The following LDLRAD2 variants were observed in gnomAD, a reference collection of about 807,000 sequenced individuals.
LDLRAD2 encodes low density lipoprotein receptor class A domain containing 2.
In LDLRAD2, 25 loss-of-function variants were observed where a neutral mutation model predicts 24.9. The observed-to-expected ratio is 1.00, with a 90% CI of 0.73 to 1.40. The LOEUF (loss-of-function observed/expected upper bound fraction) is 1.40, where lower values mean the gene tolerates loss of function less well. Among genes scored for constraint, LDLRAD2 ranks in the 40% most tolerant of loss-of-function variants. LDLRAD2 has a pLI of 0.00. For synonymous variants in LDLRAD2, 182 were observed against 166.7 expected (o/e 1.09, Z -0.71); for missense variants, 391 against 366.2 (o/e 1.07, Z -0.55).
At position 21,825,001 on chromosome 1, in the gene LDLRAD2, G is replaced by T; in HGVS notation, c.*2786G>T. 1 of 588,342 alleles carries T rather than the reference G, an allele frequency of 1.7e-6. No individual in the cohort carries two copies. The highest frequency in any genetic ancestry group is 3.1e-6 in the Non-Finnish European group (1 of 325,420). The allele number at this position is 588,342 out of a possible 1,614,324, so 36.4% of individuals were successfully genotyped here. A position where few individuals can be genotyped will look rare whatever the true frequency, so the allele number is the denominator to read the frequency against. On this transcript the variant is annotated 3_prime_UTR_variant, in exon 5 of 5. Transcript: ENST00000344642. Reference sequence around the variant, plus strand: ...TTCACTCACTTCTCACTGAAATTGAGCAGTTCTTTCAATGAGATGTAGGCA... The same window carrying T: ...TTCACTCACTTCTCACTGAAATTGATCAGTTCTTTCAATGAGATGTAGGCA...
chr1:21,821,271 A>G (rs6684152), intron 3 of LDLRAD2, among the ~76,000 whole-genome samples, 179 bp from the exon 4 acceptor site: 54,143 of 152,018 alleles, frequency 0.36, 10,840 homozygotes, highest in African/African-American at 0.55. Context: ...GAGCCAGACC[A>G]TGTGAGTTCA....
intron 3 of LDLRAD2, among the ~76,000 whole-genome samples, chr1:21,818,300 C>T (rs898836913): frequency 2.0e-5 from 3 of 152,246 alleles, no homozygotes; most frequent in Admixed American, 6.5e-5. Flanking sequence ...GCGTGAGCCT[C>T]CGCACCCGGC....
At chr1:21,820,522 CAAA>C (rs11370390) in intron 3 of LDLRAD2, among the ~76,000 whole-genome samples, 2 of 70,174 alleles carry the variant, frequency 2.9e-5, no homozygotes, top group Admixed American at 1.5e-4. Context: ...GACTCCGTCT[CAAA>C]AAAAAAAAAA....
chr1:21,812,363 C>G lies in LDLRAD2; in HGVS notation c.-89C>G. On this transcript the variant is annotated 5_prime_UTR_variant, in exon 1 of 5. Coordinates refer to ENST00000344642, the MANE Select transcript of LDLRAD2 (RefSeq NM_001013693.3). ...GTGTCCCACCAGCCTCCCTGCTGGCCTGACCAGGCCCCATACTCCAGTCTC... is the reference window on the plus strand; with the variant it reads ...GTGTCCCACCAGCCTCCCTGCTGGCGTGACCAGGCCCCATACTCCAGTCTC... The G allele has an allele frequency of 9.8e-7, 1 of 1,025,292 alleles. No individual in the cohort carries two copies. Among genetic ancestry groups the G allele is most frequent in the South Asian group, 1.3e-5 (1 of 74,548 alleles). 63.5% of individuals were successfully genotyped at this position (1,025,292 alleles called of 1,614,324 possible).
chr1:21,824,649 C>T lies in LDLRAD2; in HGVS notation c.*2434C>T, dbSNP rs372343904. ...GAAGAGCGGGTGAGGGGACAGAAGT[C>T]CCAGATTCCCATCCTCCCCATTAGG... On this transcript the variant is annotated 3_prime_UTR_variant, in exon 5 of 5. Coordinates refer to ENST00000344642, the MANE Select transcript of LDLRAD2 (RefSeq NM_001013693.3). The surrounding 1 kb of genome is among the most constrained non-coding windows in gnomAD (Gnocchi z 5.9). 3.0e-5 allele frequency: 49 copies of T among 1,613,436 alleles called. No individual in the cohort carries two copies. Among genetic ancestry groups the T allele is most frequent in the South Asian group, 4.4e-5 (4 of 91,018 alleles).
rs200588985 is a variant in LDLRAD2, at chr1:21,812,861, GA to G, written c.85+326del. On this transcript the variant is annotated intron_variant, in intron 1 of 4. Coordinates refer to ENST00000344642, the MANE Select transcript of LDLRAD2 (RefSeq NM_001013693.3). ...TGCCACTTCTTATGTTTGTACCTTT[GA>G]GATCATTGTTTCAACTCTCTGAATT... Among the ~76,000 whole-genome samples the G allele has an allele frequency of 7.7e-3, 1,171 of 152,332 alleles. 34 individuals are homozygous for G. Among genetic ancestry groups the G allele is most frequent in the Admixed American group, 0.053 (809 of 15,296 alleles).
Position 21,812,505 on chromosome 1 carries a change from A to G in LDLRAD2, c.54A>G (p.Ala18=), listed in dbSNP as rs963421689. The change falls in exon 1 of 5, where the codon GCA becomes GCG. Residue 18 remains alanine, a synonymous_variant. Coordinates refer to ENST00000344642, the MANE Select transcript of LDLRAD2 (RefSeq NM_001013693.3). ...QLPQRLLLLG[A]AALTATALET... The stretch of plus-strand genomic sequence containing the variant: ...CCCAAAGGTTGCTCTTGCTGGGGGC[A>G]GCCGCCCTGACTGCAACTGCTTTGG... 6.2e-7 allele frequency: 1 copy of G among 1,614,194 alleles called. No individual in the cohort carries two copies. Among genetic ancestry groups the G allele is most frequent in the Admixed American group, 1.7e-5 (1 of 60,028 alleles).
Position 21,812,509 on chromosome 1 carries a change from G to C in LDLRAD2, c.58G>C (p.Ala20Pro). ...AAGGTTGCTCTTGCTGGGGGCAGCC[G>C]CCCTGACTGCAACTGCTTTGGAGAC... ...PQRLLLLGAA[A>P]LTATALETAD... is the part of the protein sequence containing the mutation. Residue 20 changes from alanine (A) to proline (P), a missense_variant, in exon 1 of 5, where the codon GCC (alanine) becomes CCC (proline). Ala to Pro is a conservative substitution (Grantham distance 27). Coordinates refer to ENST00000344642, the MANE Select transcript of LDLRAD2 (RefSeq NM_001013693.3). The C allele has an allele frequency of 6.2e-7, 1 of 1,614,090 alleles. No individual in the cohort carries two copies. The highest frequency in any genetic ancestry group is 1.3e-5 in the African/African-American group (1 of 75,068).
intron 3 of LDLRAD2, among the ~76,000 whole-genome samples, chr1:21,818,155 GTGCACACCACCA>G: frequency 3.4e-5 from 1 of 29,196 alleles, no homozygotes; most frequent in Non-Finnish European, 6.3e-5. Flanking sequence ...GGGATTACAG[GTGCACACCACCA>G]CGCTCAGCTA....
chr1:21,814,090 C>T (rs577094483), intron 1 of LDLRAD2, among the ~76,000 whole-genome samples: 1 of 152,172 alleles, frequency 6.6e-6, no homozygotes. Flanking sequence ...AGGCTGGTCT[C>T]GAACTCCTGA....
At position 21,817,412 on chromosome 1, in the gene LDLRAD2, G is replaced by A. The variant is rs554374775; in HGVS notation, c.643+1338G>A. On this transcript the variant is annotated intron_variant, in intron 3 of 4. Coordinates refer to ENST00000344642, the MANE Select transcript of LDLRAD2 (RefSeq NM_001013693.3). ...GGCTGGAGTGCAGTGGCGCCATCTC[G>A]GCTCACTGCAACCTCTGCTTCCTGG... Among the ~76,000 whole-genome samples the A allele has an allele frequency of 2.3e-3, 356 of 151,992 alleles. 1 individual carries two copies. The highest frequency in any genetic ancestry group is 7.7e-3 in the African/African-American group (317 of 41,420).
At chr1:21,813,032 C>T (rs1164751479) in intron 1 of LDLRAD2, among the ~76,000 whole-genome samples, 1 of 152,258 alleles carries the variant, frequency 6.6e-6, no homozygotes, top group Admixed American at 6.5e-5. Flanking sequence ...CGCAGTGGCT[C>T]ACGCCTGTAA....
chr1:21,822,075 T>C (rs886728012), intron 4 of LDLRAD2, 127 bp from the exon 5 acceptor site: 3 of 1,560,792 alleles, frequency 1.9e-6, no homozygotes, highest in Non-Finnish European at 2.6e-6. Context: ...CCTCTGAGAC[T>C]CAGCTGCCCC....
chr1:21,818,251 A>G (rs1256880869), intron 3 of LDLRAD2, among the ~76,000 whole-genome samples: 2 of 150,374 alleles, frequency 1.3e-5, no homozygotes, highest in Non-Finnish European at 3.0e-5. Context: ...ACCTCAAGTG[A>G]TCCACCCGCC....
At position 21,823,689 on chromosome 1, in the gene LDLRAD2, G is replaced by A. The variant is rs777570455; in HGVS notation, c.*1474G>A. The A allele has an allele frequency of 9.3e-6, 15 of 1,613,504 alleles. No individual in the cohort carries two copies. Among genetic ancestry groups the A allele is most frequent in the South Asian group, 2.2e-5 (2 of 91,092 alleles). On this transcript the variant is annotated 3_prime_UTR_variant, in exon 5 of 5. Coordinates refer to ENST00000344642, the MANE Select transcript of LDLRAD2 (RefSeq NM_001013693.3). ...ACCGGCCGCTGACCAGCTCCTCACC[G>A]TCGACTTGGATGGAACCTCTGCGGC...
intron 1 of LDLRAD2, among the ~76,000 whole-genome samples, chr1:21,813,811 C>T (rs549165082): frequency 2.4e-4 from 36 of 152,258 alleles, no homozygotes; most frequent in Non-Finnish European, 4.9e-4. Flanking sequence ...CATCCTCATC[C>T]TCAGTCAGCA....
chr1:21,819,302 G>T (rs773006156), intron 3 of LDLRAD2, among the ~76,000 whole-genome samples: 2 of 151,922 alleles, frequency 1.3e-5, no homozygotes, highest in Non-Finnish European at 2.9e-5. Context: ...GAACCCGGGA[G>T]GCATAGGTTG....
In LDLRAD2 at chr1:21,814,787, G is replaced by C; in HGVS notation, c.475G>C (p.Val159Leu). 3 of 1,475,780 alleles carry C rather than the reference G, an allele frequency of 2.0e-6. No individual in the cohort carries two copies. Among genetic ancestry groups the C allele is most frequent in the Non-Finnish European group, 1.8e-6 (2 of 1,119,998 alleles). 91.4% of individuals were successfully genotyped at this position (1,475,780 alleles called of 1,614,324 possible). Residue 159 changes from valine (V) to leucine (L), a missense_variant, in exon 2 of 5, where the codon GTG becomes CTG. Transcript: ENST00000344642. ...RLVTRGRQPRVDFVGEVTSFR... is the reference protein window; with the variant it reads ...RLVTRGRQPRLDFVGEVTSFR... ...GGTCACGAGAGGCCGCCAGCCCCGC[G>C]TGGACTTCGTGGGCGAAGTCACCTC...
chr1:21,823,974 A>G lies in LDLRAD2; in HGVS notation c.*1759A>G, dbSNP rs372236191. The G allele has an allele frequency of 2.8e-4, 248 of 875,866 alleles. 2 individuals are homozygous for G. In the African/African-American group the frequency reaches 3.7e-3, roughly 13 times the overall value. 54.3% of individuals were successfully genotyped at this position (875,866 alleles called of 1,614,324 possible). ...GAGTTCAGTCCGAGATGGAAGCCCG[A>G]GCCCTGGCTGGTGGGTTCTCCCCTC... On this transcript the variant is annotated 3_prime_UTR_variant, in exon 5 of 5. Coordinates refer to ENST00000344642, the MANE Select transcript of LDLRAD2 (RefSeq NM_001013693.3).
Sources: allele counts gnomAD v4.1 joint callset (sites outside exome capture counted in the v4.1 genomes callset), GRCh38; gene constraint gnomAD v4.1.1; non-coding constraint Gnocchi (gnomAD v3.1); transcripts MANE v1.5; gene names NCBI Gene and HGNC (gene_info 2026-07-23, HGNC 2026-07-21).